The following SYN1 variants were observed in gnomAD, a reference collection of about 807,000 sequenced individuals.
SYN1 encodes synapsin I, also known as synapsin-1.
A neutral mutation model predicts 44.6 loss-of-function variants in SYN1; 8 were observed. The ratio of observed to expected loss-of-function variants is 0.18; its 90% CI spans 0.11 to 0.32. The LOEUF (loss-of-function observed/expected upper bound fraction) is 0.32, where lower values mean the gene tolerates loss of function less well. Among genes scored for constraint, SYN1 ranks in the 10% least tolerant of loss-of-function variants. The probability of loss-of-function intolerance (pLI) is 1.00; values close to 1 mark genes in which losing one functional copy is unlikely to be tolerated. For missense variants in SYN1, 451 were observed against 639.4 expected (o/e 0.71, Z 3.18); for synonymous variants, 275 against 280.1 (o/e 0.98, Z 0.18).
intron 5 of SYN1, among the ~76,000 whole-genome samples, chrX:47,598,951 G>C (rs935319074): frequency 3.5e-4 from 39 of 111,403 alleles, no homozygotes; most frequent in African/African-American, 1.2e-3. Flanking sequence ...AGCCCAGGAG[G>C]TTGAGGCTGC....
At chrX:47,617,190 C>T (rs2057933831) in intron 1 of SYN1, among the ~76,000 whole-genome samples, 1 of 111,061 alleles carries the variant, frequency 9.0e-6, no homozygotes, top group Non-Finnish European at 1.9e-5. Flanking sequence ...GAGAGAAAGG[C>T]TACTCGGTAA....
chrX:47,589,211 C>T (rs1412134084), intron 5 of SYN1, among the ~76,000 whole-genome samples: 3 of 105,438 alleles, frequency 2.8e-5, no homozygotes, highest in Non-Finnish European at 5.8e-5. Context: ...GCACAAGAAT[C>T]GTTTGAACCC....
intron 1 of SYN1, among the ~76,000 whole-genome samples, chrX:47,609,013 C>A (rs1157825988): frequency 9.2e-6 from 1 of 108,252 alleles, no homozygotes; most frequent in Non-Finnish European, 1.9e-5. Flanking sequence ...CTGACACACA[C>A]ACACACACAC....
chrX:47,606,545 G>A (rs2147928338), intron 3 of SYN1, among the ~76,000 whole-genome samples: 1 of 108,267 alleles, frequency 9.2e-6, no homozygotes, highest in Non-Finnish European at 1.9e-5. Context: ...GCAACATAGT[G>A]AGGACCCCCC....
At chrX:47,575,999 C>G (rs1446479145) in intron 9 of SYN1, 132 bp downstream of exon 9, 1 of 671,631 alleles carries the variant, frequency 1.5e-6, no homozygotes. Context: ...GAAAGTTCGT[C>G]AGGCACCTTA....
intron 1 of SYN1, among the ~76,000 whole-genome samples, chrX:47,608,988 T>C (rs1225836513): frequency 1.1e-5 from 1 of 88,495 alleles, no homozygotes; most frequent in African/African-American, 4.8e-5. Context: ...CTACTTCTTT[T>C]TCCTTGCTCT....
chrX:47,584,100 T>C (rs1439087623), intron 5 of SYN1, among the ~76,000 whole-genome samples: 8 of 111,304 alleles, frequency 7.2e-5, no homozygotes, highest in Non-Finnish European at 1.1e-4. Context: ...GGATTCTGGC[T>C]AAACCGACGT....
chrX:47,592,722 C>T (rs904614711), intron 5 of SYN1, among the ~76,000 whole-genome samples: 3 of 111,492 alleles, frequency 2.7e-5, no homozygotes, highest in African/African-American at 9.8e-5. Flanking sequence ...TCACTTTGCA[C>T]ATCCCTTGTT....
At chrX:47,592,337 C>CAAAT (rs149103285) in intron 5 of SYN1, among the ~76,000 whole-genome samples, 3,204 of 98,593 alleles carry the variant, frequency 0.032, 152 homozygotes, top group African/African-American at 0.11. Flanking sequence ...GATTTTGTCT[C>CAAAT]AAATAAATAA....
At chrX:47,588,605 C>T (rs189960131) in intron 5 of SYN1, among the ~76,000 whole-genome samples, 45 of 112,394 alleles carry the variant, frequency 4.0e-4, no homozygotes, top group East Asian at 2.5e-3. Flanking sequence ...GAACAGCAGA[C>T]GAGGCTACCT....
chrX:47,584,815 T>TAAATA (rs1295992915), intron 5 of SYN1: 5 of 550,321 alleles, frequency 9.1e-6, no homozygotes, highest in Non-Finnish European at 1.5e-5. Flanking sequence ...GTGTGCTGTC[T>TAAATA]GGCATCCAAT....
intron 5 of SYN1, among the ~76,000 whole-genome samples, chrX:47,583,716 C>A (rs2057809919): frequency 8.9e-6 from 1 of 112,016 alleles, no homozygotes; most frequent in East Asian, 2.8e-4. Context: ...ACCACAGGAT[C>A]TGCATGCTGG....
chrX:47,573,041 A>G (rs1310845722), intron 12 of SYN1, 42 bp from the exon 13 acceptor site: 1 of 1,185,742 alleles, frequency 8.4e-7, no homozygotes, highest in Admixed American at 2.2e-5. Context: ...AAGGGGGAAG[A>G]GGAAGGGGAG....
intron 5 of SYN1, chrX:47,586,570 G>A: frequency 8.3e-7 from 1 of 1,212,017 alleles, no homozygotes; most frequent in Non-Finnish European, 1.1e-6. Flanking sequence ...GGCACTCATT[G>A]CTTGTGGACG....
rs1372593307 is a variant in SYN1, at chrX:47,574,089, G to A, written c.1895C>T (p.Pro632Leu). 1.8e-6 allele frequency: 2 copies of A among 1,138,246 alleles called. No homozygotes were observed. Among genetic ancestry groups the A allele is most frequent in the East Asian group, 6.9e-5 (2 of 29,017 alleles). 93.8% of individuals were successfully genotyped at this position (1,138,246 alleles called of 1,213,427 possible). A position where few individuals can be genotyped will look rare whatever the true frequency, so the allele number is the denominator to read the frequency against. The change falls in exon 12 of 13, where the codon CCC becomes CTC. Residue 632 changes from proline (P) to leucine (L), a missense_variant. Physicochemically the swap from Pro to Leu is moderately conservative, Grantham distance 98. Around this residue, in one of 3 missense-constraint regions of SYN1, gnomAD observed 127 missense variants for 154.8 expected, o/e 0.82. Transcript: ENST00000295987. ...GGGTTTCTGGGCCAGCTGTGGTTTG[G>A]GACGTCCAGCGGGGCCCGGGCCGCT... Reference protein sequence around the residue: ...RPSGPGPAGRPKPQLAQKPSQ... With the variant: ...RPSGPGPAGRLKPQLAQKPSQ...
intron 5 of SYN1, among the ~76,000 whole-genome samples, chrX:47,584,135 C>A (rs950506292): frequency 9.0e-6 from 1 of 111,277 alleles, no homozygotes; most frequent in Admixed American, 9.5e-5. Flanking sequence ...TGAAGGCAGG[C>A]CAAGGGGAAT....
At chrX:47,586,684 T>C (rs775370032) in intron 5 of SYN1, 8 of 1,208,967 alleles carry the variant, frequency 6.6e-6, no homozygotes, top group Non-Finnish European at 8.9e-6. Flanking sequence ...CGGTCCCAGA[T>C]AGCCTGAATC....
intron 5 of SYN1, among the ~76,000 whole-genome samples, chrX:47,602,853 T>A (rs1454141728): frequency 9.0e-6 from 1 of 111,610 alleles, no homozygotes; most frequent in African/African-American, 3.3e-5. Flanking sequence ...ATCATTTATA[T>A]GAGTAAACAT....
At chrX:47,587,749 C>T (rs775798902) in intron 5 of SYN1, among the ~76,000 whole-genome samples, 1 of 110,745 alleles carries the variant, frequency 9.0e-6, no homozygotes, top group South Asian at 3.8e-4. Context: ...GCTTCCACAG[C>T]GGGGTCCAGT....
Sources: allele counts gnomAD v4.1 joint callset (sites outside exome capture counted in the v4.1 genomes callset), GRCh38; gene constraint gnomAD v4.1.1; regional missense constraint gnomAD v4.1.1; transcripts MANE v1.5; gene names NCBI Gene and HGNC (gene_info 2026-07-23, HGNC 2026-07-21).